MCM5: variants seen among roughly 807,000 people sequenced by gnomAD.
MCM5 encodes the protein DNA replication licensing factor MCM5.
A neutral mutation model predicts 79.9 loss-of-function variants in MCM5; 46 were observed. The ratio of observed to expected loss-of-function variants is 0.58; its 90% CI spans 0.45 to 0.74. The LOEUF (loss-of-function observed/expected upper bound fraction) is 0.74, where lower values mean the gene tolerates loss of function less well. Among genes scored for constraint, MCM5 ranks in the 30% least tolerant of loss-of-function variants. MCM5 has a pLI of 0.00. For synonymous variants in MCM5, 404 were observed against 390.5 expected (o/e 1.03, Z -0.41); for missense variants, 883 against 1,017.0 (o/e 0.87, Z 1.79).
At chr22:35,406,502 A>C in intron 4 of MCM5, 51 bp from the exon 5 acceptor site, 1 of 1,552,470 alleles carries the variant, frequency 6.4e-7, no homozygotes, top group Non-Finnish European at 8.8e-7. Context: ...CATATCTCAG[A>C]TGCGTCCTGG....
At chr22:35,416,585 A>AC in intron 11 of MCM5, 53 bp from the exon 12 acceptor site, 1 of 1,425,640 alleles carries the variant, frequency 7.0e-7, no homozygotes, top group Admixed American at 1.7e-5. Flanking sequence ...ACGTGTATAT[A>AC]AGAAGGCATC....
chr22:35,420,313 G>C (rs1333628243), intron 14 of MCM5, among the ~76,000 whole-genome samples: 1 of 152,216 alleles, frequency 6.6e-6, no homozygotes, highest in Non-Finnish European at 1.5e-5. Flanking sequence ...AAGAGTCTTG[G>C]GTCCCAGCCT....
chr22:35,401,302 T>A, intron 2 of MCM5: 1 of 437,250 alleles, frequency 2.3e-6, no homozygotes, highest in South Asian at 1.7e-5. Context: ...TCAAGTTCCC[T>A]GTAGGTGTAA....
intron 4 of MCM5, among the ~76,000 whole-genome samples, chr22:35,405,883 T>TA (rs1245212845): frequency 8.6e-5 from 13 of 151,830 alleles, no homozygotes; most frequent in African/African-American, 3.1e-4. Context: ...TGGTGGCAGT[T>TA]ACCTGTAATC....
At chr22:35,406,418 G>C (rs1330725999) in intron 4 of MCM5, 135 bp from the exon 5 acceptor site, 1 of 765,410 alleles carries the variant, frequency 1.3e-6, no homozygotes, top group Non-Finnish European at 2.1e-6. Context: ...TTTTTGAGCG[G>C]AACAGAAGAG....
At chr22:35,415,604 T>G (rs4645791) in intron 9 of MCM5, among the ~76,000 whole-genome samples, 6,816 of 152,272 alleles carry the variant, frequency 0.045, 485 homozygotes, top group African/African-American at 0.15. Context: ...GAGCCATGGA[T>G]GTGATGCCCT....
At chr22:35,441,286 G>A in the MCM5 span, among the ~76,000 whole-genome samples, 2 of 152,330 alleles carry the variant, frequency 1.3e-5, no homozygotes, top group Non-Finnish European at 2.9e-5. Flanking sequence ...TTAGATGTGT[G>A]CTGGTGGCCC....
In MCM5 at chr22:35,417,759, G is replaced by A. The variant is rs1932585407; in HGVS notation, c.1606G>A (p.Val536Ile). 6.2e-7 allele frequency: 1 copy of A among 1,613,790 alleles called. No individual in the cohort carries two copies. ...TGCTCTCCAGATGCTGGCCAAGCAT[G>A]TCATCACTCTGCACGTGAGCGCACT... ...EERDVMLAKH[V>I]ITLHVSALTQ... Residue 536 changes from valine to isoleucine, a missense_variant, in exon 13 of 17, where the codon GTC becomes ATC. Physicochemically the swap from Val to Ile is conservative, Grantham distance 29. Around this residue, in one of 3 missense-constraint regions of MCM5, gnomAD observed 426 missense variants for 482.3 expected, o/e 0.88. Transcript: ENST00000216122.
At chr22:35,414,096 CTT>C in intron 9 of MCM5, 110 bp downstream of exon 9, 2 of 679,254 alleles carry the variant, frequency 2.9e-6, no homozygotes, top group Non-Finnish European at 5.3e-6. Flanking sequence ...CCCGGAATCT[CTT>C]CCTCCTTTCT....
chr22:35,452,386 G>A, the MCM5 span, among the ~76,000 whole-genome samples: 77 of 152,314 alleles, frequency 5.1e-4, no homozygotes, highest in South Asian at 0.014. Flanking sequence ...TAGGACGTAG[G>A]CTCCACGCCA....
At chr22:35,404,640 G>C (rs985012125) in intron 4 of MCM5, among the ~76,000 whole-genome samples, 4 of 152,216 alleles carry the variant, frequency 2.6e-5, no homozygotes, top group Admixed American at 6.5e-5. Context: ...GGTTGAGGTG[G>C]TGATGGTCAC....
At position 35,424,410 on chromosome 22, in the gene MCM5, T is replaced by A. The variant is rs4645825; in HGVS notation, c.*155T>A. 1.7e-6 allele frequency: 1 copy of A among 593,262 alleles called. No homozygotes were observed. Among genetic ancestry groups the A allele is most frequent in the East Asian group, 3.1e-5 (1 of 32,362 alleles). The allele number at this position is 593,262 out of a possible 1,614,324, so 36.7% of individuals were successfully genotyped here. The stretch of plus-strand genomic sequence containing the variant: ...TCTGCCCCAGAGGAAGGAGCTGTAG[T>A]GTCCTGCTGCCTCTGGGCGCCCGCC... On this transcript the variant is annotated 3_prime_UTR_variant, in exon 17 of 17. Transcript: ENST00000216122.
In MCM5 at chr22:35,400,741, C is replaced by G; in HGVS notation, c.167+136C>G. ...AAAGAGCCGGTCCTGGGTCACAGGGCTCATCCCGGCAGCCTCACGCCTTGG... is the reference window on the plus strand; with the variant it reads ...AAAGAGCCGGTCCTGGGTCACAGGGGTCATCCCGGCAGCCTCACGCCTTGG... On this transcript the variant is annotated intron_variant, in intron 2 of 16. Coordinates refer to ENST00000216122, the MANE Select transcript of MCM5 (RefSeq NM_006739.4). The G allele has an allele frequency of 5.6e-6, 5 of 886,920 alleles. No homozygotes were observed. In the South Asian group the frequency reaches 9.0e-5, roughly 16 times the overall value. 54.9% of individuals were successfully genotyped at this position (886,920 alleles called of 1,614,324 possible).
chr22:35,401,709 G>A (rs1932058471), intron 2 of MCM5: 1 of 470,724 alleles, frequency 2.1e-6, no homozygotes, highest in African/African-American at 2.0e-5. Context: ...GCGCTACAAA[G>A]ATGAAAAGAC....
chr22:35,420,726 A>G (rs1932672207), intron 14 of MCM5, among the ~76,000 whole-genome samples: 1 of 152,226 alleles, frequency 6.6e-6, no homozygotes, highest in African/African-American at 2.4e-5. Flanking sequence ...GAAGTCCCAC[A>G]CAATGCTTGG....
chr22:35,408,008 C>G (rs1932268202), intron 5 of MCM5, among the ~76,000 whole-genome samples: 1 of 152,094 alleles, frequency 6.6e-6, no homozygotes. Flanking sequence ...AGGCTTAGAC[C>G]CTCAGAATGG....
At chr22:35,423,372 C>T (rs376339073) in intron 16 of MCM5, 31 bp downstream of exon 16, 74 of 1,564,742 alleles carry the variant, frequency 4.7e-5, no homozygotes, top group African/African-American at 3.5e-4. Flanking sequence ...GGGTGTGAGC[C>T]GGCACGGGGT....
At chr22:35,400,880 C>T (rs989704322) in intron 2 of MCM5, among the ~76,000 whole-genome samples, 1 of 152,196 alleles carries the variant, frequency 6.6e-6, no homozygotes, top group Non-Finnish European at 1.5e-5. Context: ...AGTGCAGTGG[C>T]ACGATCTCGG....
chr22:35,409,437 TG>T, intron 6 of MCM5: 1 of 152,146 alleles, frequency 6.6e-6, no homozygotes, highest in Non-Finnish European at 1.5e-5. Flanking sequence ...AGCTGGGTGT[TG>T]GGGCAGACAC....
Sources: allele counts gnomAD v4.1 joint callset (sites outside exome capture counted in the v4.1 genomes callset), GRCh38; gene constraint gnomAD v4.1.1; regional missense constraint gnomAD v4.1.1; transcripts MANE v1.5; gene names NCBI Gene and HGNC (gene_info 2026-07-23, HGNC 2026-07-21).